Variants in ANKFN1 observed in about 807,000 individuals in gnomAD.
ANKFN1 encodes the protein ankyrin repeat and fibronectin type III domain containing 1.
ANKFN1 carries 74 observed loss-of-function variants against 108.7 expected under a neutral mutation model. The ratio of observed to expected loss-of-function variants is 0.68; its 90% CI spans 0.56 to 0.83. The LOEUF is 0.83. Ranked by LOEUF, ANKFN1 falls within the 40% of genes least tolerant of loss-of-function variation. The pLI is 0.00. For missense variants in ANKFN1, 1,505 were observed against 1,382.3 expected, an observed-to-expected ratio of 1.09 and a Z score of -1.41; for synonymous variants, 547 against 516.2, an observed-to-expected ratio of 1.06 and a Z score of -0.81.
In ANKFN1 at chr17:56,514,928, C is replaced by T. The variant is rs866931831; in HGVS notation, c.*3659C>T. Among the ~76,000 whole-genome samples the T allele has an allele frequency of 6.6e-6, 1 of 152,064 alleles. No homozygotes were observed. The stretch of plus-strand genomic sequence containing the variant: ...ATTGTTATCCTGCCACACAAATGTG[C>T]GCCCTGGTGAGTTTGGAGCTCTTCC... On this transcript the variant is annotated 3_prime_UTR_variant, in exon 21 of 21. Coordinates refer to ENST00000682825, the MANE Select transcript of ANKFN1 (RefSeq NM_001370326.1).
chr17:56,442,793 GTAAAAATGAT>G, intron 9 of ANKFN1, 40 bp from the exon 10 acceptor site: 1 of 1,546,094 alleles, frequency 6.5e-7, no homozygotes, highest in Non-Finnish European at 8.9e-7. Flanking sequence ...AGAGTCTAGG[GTAAAAATGAT>G]TAAATAAAAT....
chr17:56,379,627 A>C (rs769648745), intron 8 of ANKFN1, among the ~76,000 whole-genome samples: 51 of 152,236 alleles, frequency 3.4e-4, no homozygotes, highest in Non-Finnish European at 5.9e-4. Context: ...ACAGTTCAAC[A>C]GTATAAATTA....
intron 4 of ANKFN1, among the ~76,000 whole-genome samples, chr17:56,056,224 AT>A (rs1178381990): frequency 1.3e-5 from 2 of 151,944 alleles, no homozygotes; most frequent in Non-Finnish European, 2.9e-5. Context: ...GACTCTTTTT[AT>A]TTTAATTAAG....
chr17:56,049,539 C>T (rs7405572), intron 4 of ANKFN1, among the ~76,000 whole-genome samples: 52,768 of 150,890 alleles, frequency 0.35, 11,404 homozygotes, highest in Middle Eastern at 0.57. Context: ...TATCCCTCCC[C>T]CTTCCCCCGA....
chr17:56,370,556 A>G (rs1307417615), intron 6 of ANKFN1, among the ~76,000 whole-genome samples: 1 of 152,210 alleles, frequency 6.6e-6, no homozygotes, highest in Non-Finnish European at 1.5e-5. Flanking sequence ...AGCTCACTGG[A>G]TAACTTAACA....
intron 20 of ANKFN1, among the ~76,000 whole-genome samples, chr17:56,509,491 T>C (rs1226131730): frequency 6.6e-6 from 1 of 152,248 alleles, no homozygotes; most frequent in African/African-American, 2.4e-5. Context: ...AGAAGTTTCA[T>C]ACCATACTTC....
At chr17:56,076,605 C>T (rs947533258) in intron 4 of ANKFN1, among the ~76,000 whole-genome samples, 6 of 152,172 alleles carry the variant, frequency 3.9e-5, no homozygotes, top group Non-Finnish European at 8.8e-5. Context: ...TTACTGTGTG[C>T]CCTTCAAATG....
In ANKFN1 at chr17:56,516,577, T is replaced by C. The variant is rs1034244620; in HGVS notation, c.*5308T>C. 2.6e-5 allele frequency among the ~76,000 whole-genome samples: 4 copies of C among 152,330 alleles called. No homozygotes were observed. The highest frequency in any genetic ancestry group is 9.6e-5 in the African/African-American group (4 of 41,574). On this transcript the variant is annotated 3_prime_UTR_variant, in exon 21 of 21. Coordinates refer to ENST00000682825, the MANE Select transcript of ANKFN1 (RefSeq NM_001370326.1). ...TGACTTCCACTCTTGAAACAATAAT[T>C]TTTTTGTATGTACATTTGAAAACTA...
intron 1 of ANKFN1, among the ~76,000 whole-genome samples, chr17:56,176,082 T>C (rs1598182876): frequency 2.0e-5 from 3 of 152,236 alleles, no homozygotes; most frequent in Admixed American, 2.0e-4. Flanking sequence ...GGGAGGATTG[T>C]TCTTATCACC....
At chr17:56,410,391 G>A (rs1357484317) in intron 8 of ANKFN1, among the ~76,000 whole-genome samples, 1 of 152,114 alleles carries the variant, frequency 6.6e-6, no homozygotes, top group Non-Finnish European at 1.5e-5. Context: ...CACCATGCCA[G>A]GCCTATTATT....
intron 3 of ANKFN1, among the ~76,000 whole-genome samples, chr17:56,285,616 C>A (rs1291906842): frequency 1.3e-5 from 2 of 152,154 alleles, no homozygotes; most frequent in African/African-American, 4.8e-5. Context: ...GCTCCTCTCT[C>A]CCCATGTATA....
At chr17:56,482,567 T>C in intron 18 of ANKFN1, 43 bp downstream of exon 18, 1 of 1,591,152 alleles carries the variant, frequency 6.3e-7, no homozygotes, top group African/African-American at 1.4e-5. Flanking sequence ...CCCAGCCTCC[T>C]TATAATAAAA....
chr17:56,271,343 C>T (rs2043789258), intron 3 of ANKFN1, among the ~76,000 whole-genome samples: 1 of 152,160 alleles, frequency 6.6e-6, no homozygotes, highest in South Asian at 2.1e-4. Flanking sequence ...AAACTGTAAG[C>T]TCCAGGTCGG....
intron 3 of ANKFN1, among the ~76,000 whole-genome samples, chr17:56,258,911 G>A (rs1262928724): frequency 1.3e-5 from 2 of 151,960 alleles, no homozygotes; most frequent in East Asian, 1.9e-4. Flanking sequence ...ACTCCGTCTC[G>A]AAAAATAAAT....
At chr17:56,280,445 AC>A (rs1413750598) in intron 3 of ANKFN1, among the ~76,000 whole-genome samples, 1 of 152,084 alleles carries the variant, frequency 6.6e-6, no homozygotes, top group African/African-American at 2.4e-5. Context: ...CAGGATTTAC[AC>A]CAGAATGACC....
chr17:56,386,522 C>A (rs571377012), intron 8 of ANKFN1, among the ~76,000 whole-genome samples: 50 of 148,358 alleles, frequency 3.4e-4, no homozygotes, highest in Non-Finnish European at 6.8e-4. Context: ...TAATTGGCTG[C>A]TTTACTAAAA....
chr17:56,048,460 C>T (rs1314183336), intron 4 of ANKFN1, among the ~76,000 whole-genome samples: 1 of 152,124 alleles, frequency 6.6e-6, no homozygotes, highest in Non-Finnish European at 1.5e-5. Context: ...TATCTAGAGC[C>T]TGATGCACAT....
Position 56,474,715 on chromosome 17 carries a change from C to T in ANKFN1, c.1774-2773C>T, listed in dbSNP as rs561777014. Among the ~76,000 whole-genome samples, 4 of 152,266 alleles carry T rather than the reference C, an allele frequency of 2.6e-5. No individual in the cohort carries two copies. The East Asian group carries it at 7.7e-4, about 29-fold the overall frequency. ...CAAATTCAGTGAATTTGAATACTTC[C>T]ATTTTTCCTTCCCTCATTAACAATT... On this transcript the variant is annotated intron_variant, in intron 15 of 20. Transcript: ENST00000682825.
chr17:56,084,806 G>T (rs1473880444), intron 4 of ANKFN1, among the ~76,000 whole-genome samples: 2 of 151,166 alleles, frequency 1.3e-5, no homozygotes, highest in African/African-American at 4.9e-5. Context: ...TGAGATGAAA[G>T]TGGCTCTGGG....
Sources: gnomAD v4.1 joint callset for allele counts (sites outside exome capture counted in the v4.1 genomes callset) on GRCh38, gnomAD v4.1.1 for gene constraint, MANE v1.5 for transcripts, NCBI Gene and HGNC (gene_info 2026-07-23, HGNC 2026-07-21) for gene names.